Variants in AGMO observed in about 807,000 individuals in gnomAD.
The protein encoded by AGMO is glyceryl-ether monooxygenase.
In AGMO, 75 loss-of-function variants were observed where a neutral mutation model predicts 60.2. The ratio of observed to expected loss-of-function variants is 1.25; its 90% CI spans 1.03 to 1.51. The LOEUF (loss-of-function observed/expected upper bound fraction) is 1.51. Ranked by LOEUF, AGMO falls within the 40% of genes most tolerant of loss-of-function variation. The pLI is 0.00. For synonymous variants in AGMO, 261 were observed against 177.1 expected (o/e 1.47, Z -3.76); for missense variants, 763 against 525.5 (o/e 1.45, Z -4.42).
intron 12 of AGMO, among the ~76,000 whole-genome samples, chr7:15,252,490 A>G (rs1303684153): frequency 6.6e-6 from 1 of 152,196 alleles, no homozygotes; most frequent in Non-Finnish European, 1.5e-5. Flanking sequence ...GTGGCTATTT[A>G]GAAAATGCCT....
At chr7:15,421,601 G>T (rs1780926863) in intron 4 of AGMO, among the ~76,000 whole-genome samples, 1 of 152,094 alleles carries the variant, frequency 6.6e-6, no homozygotes, top group South Asian at 2.1e-4. Context: ...AAATAGCAGT[G>T]TCGGAAGACA....
chr7:15,348,516 G>A (rs185761780), intron 12 of AGMO, among the ~76,000 whole-genome samples: 1 of 151,848 alleles, frequency 6.6e-6, no homozygotes, highest in African/African-American at 2.4e-5. Context: ...TAAATGCCTT[G>A]GAATATCCAT....
At chr7:15,334,410 C>A (rs1781588701) in intron 12 of AGMO, among the ~76,000 whole-genome samples, 1 of 151,684 alleles carries the variant, frequency 6.6e-6, no homozygotes, top group Admixed American at 6.6e-5. Flanking sequence ...AATTAAGTCG[C>A]TTCATTCTAT....
At chr7:15,554,276 C>T (rs62438966) in intron 2 of AGMO, among the ~76,000 whole-genome samples, 3 of 152,142 alleles carry the variant, frequency 2.0e-5, no homozygotes, top group Admixed American at 2.0e-4. Context: ...TGTCTAAACT[C>T]CATCCTGTGG....
intron 3 of AGMO, among the ~76,000 whole-genome samples, chr7:15,517,996 C>A (rs1474694333): frequency 6.6e-6 from 1 of 152,146 alleles, no homozygotes; most frequent in Non-Finnish European, 1.5e-5. Context: ...GGAGGGGCAT[C>A]ACCATTACTG....
chr7:15,371,208 A>G (rs1007246652), intron 10 of AGMO, among the ~76,000 whole-genome samples: 4 of 152,130 alleles, frequency 2.6e-5, no homozygotes, highest in African/African-American at 9.7e-5. Flanking sequence ...AATATTAAAT[A>G]TTTAATAACA....
chr7:15,194,809 C>A, the AGMO span, among the ~76,000 whole-genome samples: 1 of 152,070 alleles, frequency 6.6e-6, no homozygotes, highest in Admixed American at 6.6e-5. Context: ...TGCCGTGTGG[C>A]TGCCAGGTTC....
intron 12 of AGMO, among the ~76,000 whole-genome samples, chr7:15,266,857 T>A (rs1583344246): frequency 6.6e-6 from 1 of 151,710 alleles, no homozygotes; most frequent in Non-Finnish European, 1.5e-5. Context: ...CACCTAATAT[T>A]TACAGAAACA....
intron 12 of AGMO, among the ~76,000 whole-genome samples, chr7:15,272,472 T>C (rs1783645749): frequency 6.6e-6 from 1 of 152,108 alleles, no homozygotes; most frequent in Non-Finnish European, 1.5e-5. Flanking sequence ...TCATTTTTTA[T>C]GGCTGCATAG....
the AGMO span, among the ~76,000 whole-genome samples, chr7:15,162,676 A>G: frequency 7.2e-5 from 11 of 152,202 alleles, no homozygotes; most frequent in Non-Finnish European, 1.3e-4. Flanking sequence ...CCTAGACAAC[A>G]GACTAAAATG....
intron 12 of AGMO, among the ~76,000 whole-genome samples, chr7:15,270,120 G>C (rs1783550638): frequency 6.6e-6 from 1 of 151,956 alleles, no homozygotes; most frequent in Admixed American, 6.6e-5. Context: ...CCTGTGACTA[G>C]ATACCCCCAT....
At chr7:15,513,064 A>C (rs1248853812) in intron 3 of AGMO, among the ~76,000 whole-genome samples, 2 of 152,202 alleles carry the variant, frequency 1.3e-5, no homozygotes, top group Non-Finnish European at 2.9e-5. Flanking sequence ...GGTATTACAC[A>C]TAGTTGTTTC....
At chr7:15,344,960 C>T (rs1486059752) in intron 12 of AGMO, among the ~76,000 whole-genome samples, 1 of 152,118 alleles carries the variant, frequency 6.6e-6, no homozygotes. Context: ...TATCCTAAAT[C>T]TTTCAGTTTT....
chr7:15,242,689 G>A (rs1010915853), intron 12 of AGMO, among the ~76,000 whole-genome samples: 1 of 151,800 alleles, frequency 6.6e-6, no homozygotes, highest in Non-Finnish European at 1.5e-5. Context: ...AAATAGAGAA[G>A]GACCTAAATA....
At chr7:15,494,860 T>C (rs1239058350) in intron 3 of AGMO, among the ~76,000 whole-genome samples, 1 of 152,238 alleles carries the variant, frequency 6.6e-6, no homozygotes, top group East Asian at 1.9e-4. Context: ...GCAAGCCTGT[T>C]GCAAAATTCC....
At chr7:15,216,796 G>A (rs918220630) in intron 12 of AGMO, among the ~76,000 whole-genome samples, 1 of 150,804 alleles carries the variant, frequency 6.6e-6, no homozygotes, top group Admixed American at 6.6e-5. Flanking sequence ...CATGCATTAC[G>A]TTCCTATATA....
At chr7:15,383,730 T>C (rs1783791922) in intron 10 of AGMO, among the ~76,000 whole-genome samples, 1 of 152,172 alleles carries the variant, frequency 6.6e-6, no homozygotes, top group Non-Finnish European at 1.5e-5. Flanking sequence ...CACATTGTTG[T>C]TTGAAAATGA....
chr7:15,354,312 AC>A (rs1675570303), intron 12 of AGMO, among the ~76,000 whole-genome samples: 1 of 78,614 alleles, frequency 1.3e-5, no homozygotes, highest in Admixed American at 1.1e-4. Flanking sequence ...ACGTGTATAC[AC>A]GCGTGTATAT....
At chr7:15,183,208 A>G in the AGMO span, among the ~76,000 whole-genome samples, 1 of 151,818 alleles carries the variant, frequency 6.6e-6, no homozygotes, top group Non-Finnish European at 1.5e-5. Context: ...TCCTCTTGAT[A>G]TATTTTTCTT....
Sources: gnomAD v4.1 joint callset for allele counts (sites outside exome capture counted in the v4.1 genomes callset) on GRCh38, gnomAD v4.1.1 for gene constraint, MANE v1.5 for transcripts, NCBI Gene and HGNC (gene_info 2026-07-23, HGNC 2026-07-21) for gene names.